Variants in GMDS observed in about 807,000 individuals in gnomAD.
The protein encoded by GMDS is GDP-mannose 4,6-dehydratase.
A neutral mutation model predicts 49.9 loss-of-function variants in GMDS; 20 were observed. The observed-to-expected ratio is 0.40, with a 90% CI of 0.28 to 0.58. The LOEUF (loss-of-function observed/expected upper bound fraction) is 0.58. Among genes scored for constraint, GMDS ranks in the 20% least tolerant of loss-of-function variants. The probability of loss-of-function intolerance (pLI) is 0.42; values close to 1 mark genes in which losing one functional copy is unlikely to be tolerated. For missense variants in GMDS, 362 were observed against 481.4 expected (o/e 0.75, Z 2.32); for synonymous variants, 177 against 178.6 (o/e 0.99, Z 0.07).
chr6:2,057,277 A>G (rs1438795655), intron 4 of GMDS, among the ~76,000 whole-genome samples: 1 of 152,234 alleles, frequency 6.6e-6, no homozygotes, highest in East Asian at 1.9e-4. Context: ...GAGAGGTCTC[A>G]TGATAATATC....
Position 1,635,774 on chromosome 6 carries a change from C to A in GMDS, c.988-11234G>T, listed in dbSNP as rs146367645. Among the ~76,000 whole-genome samples, 3 of 152,308 alleles carry A rather than the reference C, an allele frequency of 2.0e-5. No homozygotes were observed. The highest frequency in any genetic ancestry group is 4.4e-5 in the Non-Finnish European group (3 of 68,034). Reference sequence around the variant, plus strand: ...GGATGTGAAGGCGCTTTGGAAAAGACAGCTCTATCCAAATGTGAGAAATTA... The same window carrying A: ...GGATGTGAAGGCGCTTTGGAAAAGAAAGCTCTATCCAAATGTGAGAAATTA... On this transcript the variant is annotated intron_variant, in intron 9 of 10. Coordinates refer to ENST00000380815, the MANE Select transcript of GMDS (RefSeq NM_001500.4). This position sits in a 1 kb window ranked among gnomAD's most constrained non-coding sequence, Gnocchi z 4.7.
chr6:2,105,411 T>C (rs568781929), intron 4 of GMDS, among the ~76,000 whole-genome samples: 1 of 152,242 alleles, frequency 6.6e-6, no homozygotes, highest in South Asian at 2.1e-4. Flanking sequence ...CTAAAGAGCC[T>C]CTCAGCCTCC....
Position 1,927,845 on chromosome 6 carries a change from C to T in GMDS, c.771+2258G>A, listed in dbSNP as rs61635847. 9.3e-3 allele frequency among the ~76,000 whole-genome samples: 1,416 copies of T among 152,246 alleles called. 22 individuals carry two copies. Among genetic ancestry groups the T allele is most frequent in the African/African-American group, 0.033 (1,352 of 41,526 alleles). ...TGTCACCTCCTACCCCGGCCAATTA[C>T]AAAGGTTTACACATGTTCATTTAAA... On this transcript the variant is annotated intron_variant, in intron 7 of 10. Transcript: ENST00000380815.
chr6:1,719,181 G>A (rs1766277732), intron 9 of GMDS, among the ~76,000 whole-genome samples: 2 of 152,186 alleles, frequency 1.3e-5, no homozygotes, highest in Admixed American at 1.3e-4. Flanking sequence ...TGGGACGGAA[G>A]CCCGTCAGTG....
intron 7 of GMDS, among the ~76,000 whole-genome samples, chr6:1,777,787 A>G (rs1224234270): frequency 6.6e-6 from 1 of 152,252 alleles, no homozygotes. Flanking sequence ...CTTCTCCATT[A>G]TAAAATGCAA....
chr6:1,851,530 A>G (rs1474482588), intron 7 of GMDS, among the ~76,000 whole-genome samples: 1 of 152,136 alleles, frequency 6.6e-6, no homozygotes, highest in Non-Finnish European at 1.5e-5. Context: ...ATTGTTTGAA[A>G]ACACACATAC....
At chr6:2,182,771 T>G (rs2127562664) in intron 1 of GMDS, among the ~76,000 whole-genome samples, 1 of 152,256 alleles carries the variant, frequency 6.6e-6, no homozygotes, top group East Asian at 1.9e-4. Flanking sequence ...AGTGGTGCAA[T>G]CTAAACTCAC....
At chr6:1,796,516 T>C (rs538399838) in intron 7 of GMDS, among the ~76,000 whole-genome samples, 95 of 152,318 alleles carry the variant, frequency 6.2e-4, no homozygotes, top group African/African-American at 2.2e-3. Flanking sequence ...ATGCTCATAA[T>C]GATCAAGTCA....
intron 1 of GMDS, among the ~76,000 whole-genome samples, chr6:2,149,073 T>C (rs1478935407): frequency 6.6e-6 from 1 of 152,122 alleles, no homozygotes; most frequent in Non-Finnish European, 1.5e-5. Context: ...AAGACCTTGA[T>C]GACATAAAAT....
intron 7 of GMDS, among the ~76,000 whole-genome samples, chr6:1,911,871 G>A (rs1224147080): frequency 6.6e-6 from 1 of 152,076 alleles, no homozygotes; most frequent in Admixed American, 6.5e-5. Flanking sequence ...CAAGGTCTTT[G>A]AGGGACCACG....
rs1484881288 is a variant in GMDS, at chr6:1,742,449, A to G, written c.890+19T>C. ...ACCTGCCAGAGAGCTACAAGTAGTC[A>G]TTTCTCAGGTATACTTACACAATGG... On this transcript the variant is annotated intron_variant, in intron 8 of 10. Coordinates refer to ENST00000380815, the MANE Select transcript of GMDS (RefSeq NM_001500.4). 1 of 1,381,730 alleles carries G rather than the reference A, an allele frequency of 7.2e-7. No homozygotes were observed. The highest frequency in any genetic ancestry group is 1.0e-6 in the Non-Finnish European group (1 of 969,834). The allele number at this position is 1,381,730 out of a possible 1,614,324, so 85.6% of individuals were successfully genotyped here.
At chr6:1,921,958 G>C (rs1761736265) in intron 7 of GMDS, among the ~76,000 whole-genome samples, 1 of 152,162 alleles carries the variant, frequency 6.6e-6, no homozygotes. Flanking sequence ...AAATCGATGA[G>C]TATTACAACA....
intron 4 of GMDS, among the ~76,000 whole-genome samples, chr6:1,980,762 T>C (rs887387576): frequency 1.1e-4 from 16 of 152,180 alleles, no homozygotes; most frequent in African/African-American, 3.9e-4. Flanking sequence ...ACGTGAGACT[T>C]ACTCTAAAAT....
intron 7 of GMDS, among the ~76,000 whole-genome samples, chr6:1,889,122 G>C (rs897667993): frequency 6.6e-6 from 1 of 152,136 alleles, no homozygotes; most frequent in Non-Finnish European, 1.5e-5. Context: ...GATGCGGAAC[G>C]TGTAAAAACA....
chr6:1,935,680 G>C (rs1762492421), intron 6 of GMDS, among the ~76,000 whole-genome samples: 1 of 152,226 alleles, frequency 6.6e-6, no homozygotes, highest in Middle Eastern at 3.4e-3. Context: ...ATTAACCTAG[G>C]AAAGAGAGTA....
chr6:1,803,596 A>ATAAT (rs1770041539), intron 7 of GMDS, among the ~76,000 whole-genome samples: 1 of 152,126 alleles, frequency 6.6e-6, no homozygotes, highest in African/African-American at 2.4e-5. Flanking sequence ...AAATAAATAA[A>ATAAT]TATAATAGTT....
At chr6:2,001,364 G>C (rs1365855384) in intron 4 of GMDS, among the ~76,000 whole-genome samples, 1 of 152,094 alleles carries the variant, frequency 6.6e-6, no homozygotes, top group Admixed American at 6.6e-5. Context: ...AGTTGTAAGA[G>C]TTTTTAGATA....
chr6:2,074,157 C>T (rs1342257010), intron 4 of GMDS, among the ~76,000 whole-genome samples: 1 of 152,180 alleles, frequency 6.6e-6, no homozygotes, highest in African/African-American at 2.4e-5. Flanking sequence ...GTTCCCTTTC[C>T]TCTATATCCT....
chr6:1,671,666 CT>C (rs35355483), intron 9 of GMDS, among the ~76,000 whole-genome samples: 34,859 of 132,446 alleles, frequency 0.26, 3,822 homozygotes, highest in East Asian at 0.46. Context: ...CTTTTAATTA[CT>C]TTTTTTTTTT....
Sources: allele counts gnomAD v4.1 joint callset (sites outside exome capture counted in the v4.1 genomes callset), GRCh38; gene constraint gnomAD v4.1.1; non-coding constraint Gnocchi (gnomAD v3.1); transcripts MANE v1.5; gene names NCBI Gene and HGNC (gene_info 2026-07-23, HGNC 2026-07-21).